Variants in ZBTB40 observed in about 807,000 individuals in gnomAD.
The protein encoded by ZBTB40 is zinc finger and BTB domain-containing protein 40.
In ZBTB40, 60 loss-of-function variants were observed where a neutral mutation model predicts 117.5. The ratio of observed to expected loss-of-function variants is 0.51; its 90% CI spans 0.41 to 0.63. The LOEUF (loss-of-function observed/expected upper bound fraction) is 0.63, where lower values mean the gene tolerates loss of function less well. Ranked by LOEUF, ZBTB40 falls within the 30% of genes least tolerant of loss-of-function variation. The pLI, the probability that ZBTB40 is intolerant of heterozygous loss-of-function variation, is 0.00. For synonymous variants in ZBTB40, 525 were observed against 577.1 expected, an observed-to-expected ratio of 0.91 and a Z score of 1.29; for missense variants, 1,287 against 1,498.5, an observed-to-expected ratio of 0.86 and a Z score of 2.33.
intron 1 of ZBTB40, among the ~76,000 whole-genome samples, chr1:22,464,785 G>A (rs1226342961): frequency 6.6e-6 from 1 of 152,156 alleles, no homozygotes; most frequent in Non-Finnish European, 1.5e-5. Context: ...CACGTATTCA[G>A]TTGCATGCTG....
chr1:22,433,652 CCCCT>C (rs1557470010), intron 1 of ZBTB40, among the ~76,000 whole-genome samples: 4 of 139,366 alleles, frequency 2.9e-5, no homozygotes, highest in African/African-American at 7.7e-5. Context: ...TCTAGGACTA[CCCCT>C]GTAGTCCTAG....
chr1:22,526,273 G>A lies in ZBTB40; in HGVS notation c.3597G>A (p.Gly1199=). The A allele has an allele frequency of 1.2e-6, 2 of 1,614,194 alleles. No individual in the cohort carries two copies. The highest frequency in any genetic ancestry group is 2.2e-5 in the East Asian group (1 of 44,866). The part of the protein sequence containing the change: ...VITLEETQLA[G]SQVFVTLPDS... The stretch of plus-strand genomic sequence containing the variant: ...CTTTGGAGGAGACCCAGCTTGCCGG[G>A]TCGCAGGTGTTTGTGACGTTGCCAG... The change falls in exon 18 of 18, where the codon GGG becomes GGA. Residue 1199 remains glycine, a synonymous_variant. Transcript: ENST00000375647.
intron 1 of ZBTB40, among the ~76,000 whole-genome samples, chr1:22,467,781 T>G (rs1359861749): frequency 6.6e-6 from 1 of 151,200 alleles, no homozygotes; most frequent in Non-Finnish European, 1.5e-5. Flanking sequence ...GGCCTGTTTT[T>G]TTTTTTTTTT....
intron 10 of ZBTB40, 70 bp from the exon 11 acceptor site, chr1:22,511,606 T>C: frequency 6.5e-7 from 1 of 1,526,992 alleles, no homozygotes; most frequent in Non-Finnish European, 8.9e-7. Flanking sequence ...GTAAGAAGTG[T>C]GTTAGAAACG....
At chr1:22,455,635 T>G (rs1640987386) in intron 1 of ZBTB40, among the ~76,000 whole-genome samples, 1 of 152,192 alleles carries the variant, frequency 6.6e-6, no homozygotes, top group Non-Finnish European at 1.5e-5. Context: ...TTGGGTCTGT[T>G]GGGTTCCAGT....
intron 1 of ZBTB40, among the ~76,000 whole-genome samples, chr1:22,445,707 T>C (rs570548473): frequency 6.6e-6 from 1 of 151,934 alleles, no homozygotes; most frequent in South Asian, 2.1e-4. Context: ...AATACAAAAT[T>C]AGCTGGGCAT....
intron 3 of ZBTB40, among the ~76,000 whole-genome samples, chr1:22,497,796 C>T (rs1383789849): frequency 1.3e-5 from 2 of 152,168 alleles, no homozygotes; most frequent in East Asian, 3.9e-4. Flanking sequence ...TGACCTTAAG[C>T]AAGTTACTTA....
intron 1 of ZBTB40, among the ~76,000 whole-genome samples, chr1:22,456,468 T>C (rs1641007433): frequency 6.6e-6 from 1 of 152,224 alleles, no homozygotes; most frequent in South Asian, 2.1e-4. Context: ...CATGAATCCT[T>C]TGAAGTTGCC....
At chr1:22,502,265 T>C (rs769993411) in intron 4 of ZBTB40, 34 bp from the exon 5 acceptor site, 48 of 1,605,370 alleles carry the variant, frequency 3.0e-5, no homozygotes, top group Non-Finnish European at 3.9e-5. Flanking sequence ...ATTGACTAGC[T>C]TCTCTTGTGT....
At chr1:22,431,362 T>TTG (rs1179435023) in intron 1 of ZBTB40, among the ~76,000 whole-genome samples, 1,840 of 112,784 alleles carry the variant, frequency 0.016, 67 homozygotes, top group African/African-American at 0.07. Context: ...CATATATATT[T>TTG]TGTGTGTGTG....
chr1:22,475,369 GT>G (rs1487399516), intron 1 of ZBTB40, among the ~76,000 whole-genome samples: 1 of 152,168 alleles, frequency 6.6e-6, no homozygotes, highest in Admixed American at 6.5e-5. Context: ...TTACATGGGT[GT>G]TTTTGGAGAT....
At chr1:22,482,648 C>T (rs979569935) in intron 1 of ZBTB40, among the ~76,000 whole-genome samples, 1 of 150,694 alleles carries the variant, frequency 6.6e-6, no homozygotes, top group African/African-American at 2.4e-5. Context: ...CTTATTCATC[C>T]CTCCCTCTCC....
Position 22,517,444 on chromosome 1 carries a change from T to G in ZBTB40, c.2813T>G (p.Ile938Ser). The G allele has an allele frequency of 4.3e-6, 7 of 1,614,004 alleles. No homozygotes were observed. The highest frequency in any genetic ancestry group is 5.9e-6 in the Non-Finnish European group (7 of 1,179,998). The change falls in exon 13 of 18, where the codon ATC (isoleucine) becomes AGC (serine). Residue 938 changes from isoleucine to serine, a missense_variant. Coordinates refer to ENST00000375647, the MANE Select transcript of ZBTB40 (RefSeq NM_014870.4). Reference protein sequence around the residue: ...KGFRQANGLSIHLHTFHNIED... With the variant: ...KGFRQANGLSSHLHTFHNIED... ...TTCCGGCAAGCCAATGGCCTCTCCA[T>G]CCATCTGCACACCTTTCACAGTATG...
Position 22,530,291 on chromosome 1 carries a change from T to C in ZBTB40, c.*3895T>C, listed in dbSNP as rs1306832103. The C allele has an allele frequency of 6.6e-6, 1 of 151,808 alleles. No individual in the cohort carries two copies. Among genetic ancestry groups the C allele is most frequent in the African/African-American group, 2.4e-5 (1 of 41,220 alleles). 9.4% of individuals were successfully genotyped at this position (151,808 alleles called of 1,614,324 possible). A position where few individuals can be genotyped will look rare whatever the true frequency, so the allele number is the denominator to read the frequency against. On this transcript the variant is annotated 3_prime_UTR_variant, in exon 18 of 18. Coordinates refer to ENST00000375647, the MANE Select transcript of ZBTB40 (RefSeq NM_014870.4). The stretch of plus-strand genomic sequence containing the variant: ...TTGGGAGGTAGGAAGAAAATGGGAG[T>C]AAGAGAACAATTTGGGGCTGAAGGG...
upstream of ZBTB40, among the ~76,000 whole-genome samples, chr1:22,450,959 G>A (rs904418496): frequency 1.3e-5 from 2 of 152,210 alleles, no homozygotes; most frequent in Non-Finnish European, 2.9e-5. Context: ...GTGTTCAGTG[G>A]GCCAGCGCGG....
At chr1:22,474,647 A>C (rs1384037369) in intron 1 of ZBTB40, among the ~76,000 whole-genome samples, 6 of 151,976 alleles carry the variant, frequency 3.9e-5, no homozygotes, top group Admixed American at 3.9e-4. Flanking sequence ...ATTTCACCTG[A>C]CTCTGGTTGT....
intron 1 of ZBTB40, among the ~76,000 whole-genome samples, chr1:22,466,787 C>T (rs1035980283): frequency 2.0e-5 from 3 of 151,086 alleles, no homozygotes; most frequent in Admixed American, 6.6e-5. Context: ...GATTCTGGTA[C>T]ACTATATGTA....
chr1:22,487,944 C>A (rs959996897), intron 1 of ZBTB40, among the ~76,000 whole-genome samples: 3 of 152,158 alleles, frequency 2.0e-5, no homozygotes, highest in Non-Finnish European at 4.4e-5. Context: ...GTAATAATCT[C>A]AGTTCCTAAT....
At chr1:22,467,513 C>T (rs1641284605) in intron 1 of ZBTB40, among the ~76,000 whole-genome samples, 1 of 152,148 alleles carries the variant, frequency 6.6e-6, no homozygotes, top group Non-Finnish European at 1.5e-5. Flanking sequence ...CTCGCTGTGT[C>T]ACCCAGGCTG....
Sources: allele counts gnomAD v4.1 joint callset (sites outside exome capture counted in the v4.1 genomes callset), GRCh38; gene constraint gnomAD v4.1.1; transcripts MANE v1.5; gene names NCBI Gene and HGNC (gene_info 2026-07-23, HGNC 2026-07-21).